GIN1: variants seen among roughly 807,000 people sequenced by gnomAD.
GIN1 encodes the protein gypsy retrotransposon integrase 1.
In GIN1, 41 loss-of-function variants were observed where a neutral mutation model predicts 51.4. The ratio of observed to expected loss-of-function variants is 0.80; its 90% CI spans 0.62 to 1.04. GIN1 has a LOEUF of 1.04. GIN1 is among the 50% of genes least tolerant of loss of function. The probability of loss-of-function intolerance (pLI) is 0.00; values close to 1 mark genes in which losing one functional copy is unlikely to be tolerated. For missense variants in GIN1, 610 were observed against 612.4 expected (o/e 1.00, Z 0.04); for synonymous variants, 222 against 206.5 (o/e 1.07, Z -0.64).
chr5:103,100,406 T>TA (rs1554195654), intron 4 of GIN1, among the ~76,000 whole-genome samples: 230 of 149,404 alleles, frequency 1.5e-3, no homozygotes, highest in African/African-American at 4.9e-3. Context: ...TTATTATTAT[T>TA]TTTTTGAGAC....
At chr5:103,098,736 G>A (rs538900162) in intron 4 of GIN1, among the ~76,000 whole-genome samples, 152 of 152,264 alleles carry the variant, frequency 1.0e-3, no homozygotes, top group African/African-American at 3.5e-3. Flanking sequence ...TGAGATTACA[G>A]GCATGAGCCA....
chr5:103,102,431 T>G (rs1787600531), intron 4 of GIN1: 1 of 152,170 alleles, frequency 6.6e-6, no homozygotes, highest in African/African-American at 2.4e-5. Flanking sequence ...ACAATTTGTT[T>G]GATGACATCA....
intron 1 of GIN1, among the ~76,000 whole-genome samples, chr5:103,118,347 T>TG (rs1208085014): frequency 1.5e-4 from 21 of 141,086 alleles, no homozygotes; most frequent in African/African-American, 5.1e-4. Context: ...TATATGGTAA[T>TG]GTATAATTAT....
At position 103,098,645 on chromosome 5, in the gene GIN1, G is replaced by C. The variant is rs115722142; in HGVS notation, c.640-864C>G. The stretch of plus-strand genomic sequence containing the variant: ...ACCTAATTTTTAAATATTTTGTACA[G>C]ATGGAGTTTCACCATGTTGCCCAGG... On this transcript the variant is annotated intron_variant, in intron 4 of 7. Coordinates refer to ENST00000399004, the MANE Select transcript of GIN1 (RefSeq NM_017676.2). 7.1e-3 allele frequency among the ~76,000 whole-genome samples: 1,077 copies of C among 152,128 alleles called. 5 individuals are homozygous for C. The highest frequency in any genetic ancestry group is 0.054 in the Middle Eastern group (16 of 294).
At chr5:103,108,843 A>T in intron 1 of GIN1, 129 bp from the exon 2 acceptor site, 1 of 641,992 alleles carries the variant, frequency 1.6e-6, no homozygotes, top group South Asian at 2.0e-5. Flanking sequence ...TGTGAGGGAG[A>T]TAATTGCAGT....
At chr5:103,106,068 C>A (rs2151472080) in intron 3 of GIN1, among the ~76,000 whole-genome samples, 1 of 152,156 alleles carries the variant, frequency 6.6e-6, no homozygotes, top group South Asian at 2.1e-4. Context: ...TTAAGGAGAT[C>A]TCACAGATAT....
chr5:103,093,058 C>T (rs1437076488), intron 7 of GIN1, among the ~76,000 whole-genome samples: 1 of 150,224 alleles, frequency 6.7e-6, no homozygotes, highest in African/African-American at 2.4e-5. Flanking sequence ...AGATCATGGT[C>T]TTGACACTAT....
At chr5:103,089,372 A>T (rs1472311711) in intron 7 of GIN1, among the ~76,000 whole-genome samples, 1 of 152,150 alleles carries the variant, frequency 6.6e-6, no homozygotes, top group African/African-American at 2.4e-5. Context: ...TTCTCTTTCT[A>T]AATGTTCCCC....
chr5:103,106,150 C>T (rs1787717857), intron 3 of GIN1, among the ~76,000 whole-genome samples: 1 of 152,068 alleles, frequency 6.6e-6, no homozygotes, highest in African/African-American at 2.4e-5. Flanking sequence ...CAGCAAGAAC[C>T]CCAAAATTCC....
chr5:103,089,925 A>G (rs1384769954), intron 7 of GIN1, among the ~76,000 whole-genome samples: 3 of 152,188 alleles, frequency 2.0e-5, no homozygotes, highest in African/African-American at 7.2e-5. Context: ...AAAAGATGGC[A>G]TAAGTGGGCT....
chr5:103,118,205 C>T (rs1236848648), intron 1 of GIN1, among the ~76,000 whole-genome samples: 2 of 152,160 alleles, frequency 1.3e-5, no homozygotes, highest in Admixed American at 1.3e-4. Flanking sequence ...TTACAGTTCA[C>T]TTTCACATAC....
intron 4 of GIN1, among the ~76,000 whole-genome samples, chr5:103,101,766 CAT>C (rs1787581693): frequency 6.6e-6 from 1 of 152,206 alleles, no homozygotes; most frequent in African/African-American, 2.4e-5. Flanking sequence ...GTGTGACATA[CAT>C]GTCTTGTTGA....
intron 4 of GIN1, 146 bp from the exon 5 acceptor site, chr5:103,097,927 G>C (rs1787454952): frequency 1.8e-6 from 1 of 545,688 alleles, no homozygotes; most frequent in African/African-American, 2.0e-5. Flanking sequence ...CAGTCACCCA[G>C]GCTGGAGTGC....
chr5:103,119,436 C>A (rs781817506), intron 1 of GIN1, among the ~76,000 whole-genome samples: 2 of 152,186 alleles, frequency 1.3e-5, no homozygotes, highest in Non-Finnish European at 2.9e-5. Context: ...CAAAAAAATG[C>A]CTTCATCGCC....
intron 7 of GIN1, among the ~76,000 whole-genome samples, chr5:103,088,536 T>A (rs1787145123): frequency 6.6e-6 from 1 of 152,232 alleles, no homozygotes; most frequent in African/African-American, 2.4e-5. Context: ...CTCATGCCTG[T>A]AATCTCAGCA....
intron 7 of GIN1, among the ~76,000 whole-genome samples, chr5:103,095,611 G>T (rs1554194927): frequency 6.6e-6 from 1 of 152,206 alleles, no homozygotes; most frequent in Non-Finnish European, 1.5e-5. Flanking sequence ...ATGCCAAAAA[G>T]AGGCACGAAG....
chr5:103,112,474 TCTAGACTATTTAGC>T (rs1787915245), intron 1 of GIN1, among the ~76,000 whole-genome samples: 1 of 152,198 alleles, frequency 6.6e-6, no homozygotes, highest in East Asian at 1.9e-4. Context: ...GTGGCTAAGG[TCTAGACTATTTAGC>T]CTACCCTCTA....
intron 1 of GIN1, among the ~76,000 whole-genome samples, chr5:103,113,894 C>T (rs1787952976): frequency 6.6e-6 from 1 of 152,126 alleles, no homozygotes; most frequent in African/African-American, 2.4e-5. Flanking sequence ...GAGAATACAA[C>T]CATTAAGACC....
At chr5:103,098,124 AC>A (rs1272787225) in intron 4 of GIN1, among the ~76,000 whole-genome samples, 1 of 152,072 alleles carries the variant, frequency 6.6e-6, no homozygotes, top group Non-Finnish European at 1.5e-5. Context: ...CTTGTGATCC[AC>A]CTGCCTTGGC....
Sources: allele counts gnomAD v4.1 joint callset (sites outside exome capture counted in the v4.1 genomes callset), GRCh38; gene constraint gnomAD v4.1.1; transcripts MANE v1.5; gene names NCBI Gene and HGNC (gene_info 2026-07-23, HGNC 2026-07-21).